TENM2: variants seen among roughly 807,000 people sequenced by gnomAD.
TENM2 encodes the protein teneurin transmembrane protein 2, also known as teneurin-2.
A neutral mutation model predicts 245.2 loss-of-function variants in TENM2; 52 were observed. That is an observed-to-expected ratio of 0.21 (90% CI 0.17 to 0.27). The LOEUF (loss-of-function observed/expected upper bound fraction) is 0.27, where lower values mean the gene tolerates loss of function less well. TENM2 is among the 10% of genes least tolerant of loss of function. TENM2 has a pLI of 1.00. For synonymous variants in TENM2, 1,363 were observed against 1,438.9 expected (o/e 0.95, Z 1.19); for missense variants, 3,046 against 3,666.8 (o/e 0.83, Z 4.37).
chr5:167,542,208 G>C (rs1439919853), intron 2 of TENM2, among the ~76,000 whole-genome samples: 1 of 152,120 alleles, frequency 6.6e-6, no homozygotes, highest in East Asian at 1.9e-4. Context: ...AGAAGAGAAG[G>C]AAGAAAGAAA....
At chr5:168,038,651 C>G (rs183090881) in intron 5 of TENM2, among the ~76,000 whole-genome samples, 27 of 152,342 alleles carry the variant, frequency 1.8e-4, no homozygotes, top group Admixed American at 5.9e-4. Flanking sequence ...AGAGGTAAAT[C>G]TGTTTGCCCA....
intron 2 of TENM2, among the ~76,000 whole-genome samples, chr5:167,623,186 A>G (rs1350653116): frequency 6.6e-6 from 1 of 151,984 alleles, no homozygotes; most frequent in African/African-American, 2.4e-5. Flanking sequence ...AATGTAGATC[A>G]TTGAATAAGT....
At chr5:168,104,977 G>A (rs1056250984) in intron 9 of TENM2, among the ~76,000 whole-genome samples, 1 of 152,208 alleles carries the variant, frequency 6.6e-6, no homozygotes, top group Non-Finnish European at 1.5e-5. Flanking sequence ...CCTTCTGAGA[G>A]CTTCTGGTCT....
At chr5:167,787,899 A>T (rs1322284755) in intron 2 of TENM2, among the ~76,000 whole-genome samples, 1 of 152,244 alleles carries the variant, frequency 6.6e-6, no homozygotes, top group East Asian at 1.9e-4. Flanking sequence ...TAGAGCTGAG[A>T]TCATAGCATA....
chr5:167,077,867 A>G, the TENM2 span, among the ~76,000 whole-genome samples: 1 of 152,192 alleles, frequency 6.6e-6, no homozygotes, highest in Admixed American at 6.5e-5. Flanking sequence ...AGTATAAAAC[A>G]GTTATAAAAA....
rs748744244 is a variant in TENM2 at position 168,118,421 on chromosome 5, A to G, written c.1943A>G (p.His648Arg). ...TGCATCGATCCTTCCTGCGGGGGCC[A>G]CGGCTCCTGCATTGATGGGAACTGT... is the stretch of plus-strand genomic sequence containing the variant. Residue 648 changes from histidine to arginine, a missense_variant, in exon 10 of 29, where the codon CAC becomes CGC. This residue lies in a region of TENM2 where 2,704 missense variants were observed against 3,331.9 expected (regional missense o/e 0.81). Coordinates refer to ENST00000518659, the Ensembl canonical transcript of TENM2. 1.9e-6 allele frequency: 3 copies of G among 1,610,894 alleles called. No individual in the cohort carries two copies. The African/African-American group carries it at 4.0e-5, about 22-fold the overall frequency.
intron 2 of TENM2, among the ~76,000 whole-genome samples, chr5:167,480,613 T>A (rs1433729186): frequency 1.3e-5 from 2 of 152,208 alleles, no homozygotes; most frequent in East Asian, 3.9e-4. Flanking sequence ...ATGATTGCGA[T>A]GTAAATGATT....
Position 168,218,970 on chromosome 5 carries a change from C to T in TENM2, c.5079C>T (p.Ser1693=), listed in dbSNP as rs780116122. 20 of 1,613,704 alleles carry T rather than the reference C, an allele frequency of 1.2e-5. No individual in the cohort carries two copies. The highest frequency in any genetic ancestry group is 1.6e-4 in the Middle Eastern group (1 of 6,076). The change falls in exon 23 of 29, where the codon AGC becomes AGT. Residue 1693 remains serine (S), a synonymous_variant. Coordinates refer to ENST00000518659, the Ensembl canonical transcript of TENM2. The surrounding 1 kb of genome is among the most constrained non-coding windows in gnomAD (Gnocchi z 5.2). ...ACACTGGGCTCCTGGCCACCAAGAG[C>T]GATGAAACAGGATGGACGACTTTCT...
At chr5:168,127,732 C>T (rs1795956114) in intron 12 of TENM2, among the ~76,000 whole-genome samples, 1 of 152,200 alleles carries the variant, frequency 6.6e-6, no homozygotes, top group Non-Finnish European at 1.5e-5. Flanking sequence ...GTTGGGATGA[C>T]AAAGTTGTCA....
intron 1 of TENM2, among the ~76,000 whole-genome samples, chr5:167,371,039 G>T (rs1723437110): frequency 6.6e-6 from 1 of 152,226 alleles, no homozygotes; most frequent in African/African-American, 2.4e-5. Context: ...ATTCTGAGAA[G>T]TCTGTATAGA....
At chr5:167,984,010 A>G (rs1233707356) in intron 4 of TENM2, among the ~76,000 whole-genome samples, 6 of 152,192 alleles carry the variant, frequency 3.9e-5, no homozygotes, top group African/African-American at 1.2e-4. Context: ...CTGGATGTCA[A>G]TCTCAATGCT....
intron 4 of TENM2, among the ~76,000 whole-genome samples, chr5:167,962,104 A>G (rs996361412): frequency 3.3e-5 from 5 of 152,186 alleles, no homozygotes; most frequent in Non-Finnish European, 5.9e-5. Flanking sequence ...CACGCAGATC[A>G]CTGTCCTGCT....
At chr5:167,445,332 T>TAGGGAGAGAG (rs71591182) in intron 2 of TENM2, among the ~76,000 whole-genome samples, 12 of 77,042 alleles carry the variant, frequency 1.6e-4, no homozygotes, top group South Asian at 5.4e-4. Flanking sequence ...TATATATATA[T>TAGGGAGAGAG]ATATAGAGAG....
chr5:168,204,722 A>G (rs755711618), intron 19 of TENM2, 101 bp downstream of exon 21: 40 of 1,450,026 alleles, frequency 2.8e-5, no homozygotes, highest in Middle Eastern at 1.8e-4. Flanking sequence ...TCCAGAGAAG[A>G]TATAGTCCTT....
intron 5 of TENM2, among the ~76,000 whole-genome samples, chr5:168,017,930 T>C (rs995978621): frequency 1.3e-5 from 2 of 152,200 alleles, no homozygotes; most frequent in African/African-American, 2.4e-5. Flanking sequence ...AGCTTTCTTC[T>C]GTTCCGTCCC....
chr5:167,662,055 G>A (rs1755246691), intron 2 of TENM2, among the ~76,000 whole-genome samples: 1 of 152,194 alleles, frequency 6.6e-6, no homozygotes, highest in Admixed American at 6.5e-5. Context: ...GGCAGAGACT[G>A]ATGATAAAGG....
chr5:167,611,756 C>T (rs573546341), intron 2 of TENM2, among the ~76,000 whole-genome samples: 4 of 152,028 alleles, frequency 2.6e-5, no homozygotes, highest in Admixed American at 2.0e-4. Flanking sequence ...TCATAGATGG[C>T]GCCTCCTCAT....
At chr5:167,491,335 A>G (rs1768416416) in intron 2 of TENM2, among the ~76,000 whole-genome samples, 1 of 152,114 alleles carries the variant, frequency 6.6e-6, no homozygotes, top group African/African-American at 2.4e-5. Context: ...AAATCTTTTT[A>G]CCTTATTTTT....
At chr5:167,776,598 A>AAAAAAAAC in intron 2 of TENM2, among the ~76,000 whole-genome samples, 1 of 81,410 alleles carries the variant, frequency 1.2e-5, no homozygotes, top group African/African-American at 6.2e-5. Context: ...TGTCTGAAAA[A>AAAAAAAAC]AAAAAAAAAA....
Sources: gnomAD v4.1 joint callset for allele counts (sites outside exome capture counted in the v4.1 genomes callset) on GRCh38, gnomAD v4.1.1 for gene constraint, gnomAD v4.1.1 regional missense constraint, Gnocchi (gnomAD v3.1) non-coding constraint, MANE v1.5 for transcripts, NCBI Gene and HGNC (gene_info 2026-07-23, HGNC 2026-07-21) for gene names.